SLC25A21: variants seen among roughly 807,000 people sequenced by gnomAD.
SLC25A21 encodes solute carrier family 25 member 21.
A neutral mutation model predicts 43.8 loss-of-function variants in SLC25A21; 47 were observed. The observed-to-expected ratio is 1.07, with a 90% CI of 0.85 to 1.37. SLC25A21 has a LOEUF of 1.37. Ranked by LOEUF, SLC25A21 falls within the 40% of genes most tolerant of loss-of-function variation. SLC25A21 has a pLI of 0.00. For missense variants in SLC25A21, 352 were observed against 350.2 expected (o/e 1.00, Z -0.04); for synonymous variants, 131 against 121.3 (o/e 1.08, Z -0.52).
chr14:37,016,160 G>T (rs1240811682), intron 1 of SLC25A21, among the ~76,000 whole-genome samples: 1 of 152,066 alleles, frequency 6.6e-6, no homozygotes. Context: ...TTCTTCCAGG[G>T]TTTTTATGGT....
rs1882071310 is a variant in SLC25A21 at position 36,679,268 on chromosome 14, A to C, written c.*1390T>G. On this transcript the variant is annotated 3_prime_UTR_variant, in exon 10 of 10. Transcript: ENST00000331299. ...AATTTTAAAAAACACGTTGGAAAGG[A>C]TGTACAACAGAAGGCTATGTATGTA... 1 of 982,914 alleles carries C rather than the reference A, an allele frequency of 1.0e-6. No homozygotes were observed. Among genetic ancestry groups the C allele is most frequent in the African/African-American group, 1.7e-5 (1 of 57,184 alleles). The allele number at this position is 982,914 out of a possible 1,614,324, so 60.9% of individuals were successfully genotyped here. A position where few individuals can be genotyped will look rare whatever the true frequency, so the allele number is the denominator to read the frequency against.
chr14:36,892,108 T>G (rs1015487029), intron 1 of SLC25A21, among the ~76,000 whole-genome samples: 3 of 152,056 alleles, frequency 2.0e-5, no homozygotes, highest in Non-Finnish European at 2.9e-5. Flanking sequence ...AGACAACAAG[T>G]GTTGGCAAGG....
intron 1 of SLC25A21, among the ~76,000 whole-genome samples, chr14:37,046,296 GCCTA>G (rs1961584591): frequency 6.6e-6 from 1 of 152,072 alleles, no homozygotes; most frequent in South Asian, 2.1e-4. Context: ...TCTCTTAATT[GCCTA>G]CCTAATCAGA....
chr14:36,781,049 G>C (rs1443109581), intron 3 of SLC25A21, among the ~76,000 whole-genome samples: 1 of 152,068 alleles, frequency 6.6e-6, no homozygotes, highest in Non-Finnish European at 1.5e-5. Flanking sequence ...TTCTTTTGAG[G>C]AATTGACTTC....
chr14:37,146,060 C>T (rs1963658872), intron 1 of SLC25A21, among the ~76,000 whole-genome samples: 1 of 152,170 alleles, frequency 6.6e-6, no homozygotes, highest in Non-Finnish European at 1.5e-5. Context: ...AAACAGCACC[C>T]ACTCCTTCAG....
intron 1 of SLC25A21, among the ~76,000 whole-genome samples, chr14:36,897,931 T>G (rs1891290573): frequency 6.6e-6 from 1 of 152,180 alleles, no homozygotes; most frequent in Non-Finnish European, 1.5e-5. Flanking sequence ...GTGTGAGGTG[T>G]CGGTCTGACC....
chr14:36,801,746 C>T (rs1028644261), intron 3 of SLC25A21, among the ~76,000 whole-genome samples: 2 of 152,114 alleles, frequency 1.3e-5, no homozygotes, highest in Non-Finnish European at 2.9e-5. Flanking sequence ...TGTTCTTTTG[C>T]TTTTACTTAT....
At chr14:37,056,347 A>G (rs1797372787) in intron 1 of SLC25A21, among the ~76,000 whole-genome samples, 1 of 151,928 alleles carries the variant, frequency 6.6e-6, no homozygotes, top group South Asian at 2.1e-4. Flanking sequence ...AAAATTAGCC[A>G]GGCGAGGTGG....
intron 1 of SLC25A21, among the ~76,000 whole-genome samples, chr14:37,133,664 C>G (rs1238721841): frequency 6.6e-6 from 1 of 151,950 alleles, no homozygotes; most frequent in Admixed American, 6.6e-5. Context: ...CCTAACCCAC[C>G]TCTATAACTC....
chr14:36,814,042 T>A, intron 2 of SLC25A21, 41 bp from the exon 3 acceptor site: 1 of 1,393,498 alleles, frequency 7.2e-7, no homozygotes, highest in Non-Finnish European at 1.0e-6. Flanking sequence ...GTTAAAGATT[T>A]TGCCAAATGG....
At chr14:37,145,885 C>G (rs1327330064) in intron 1 of SLC25A21, among the ~76,000 whole-genome samples, 1 of 152,080 alleles carries the variant, frequency 6.6e-6, no homozygotes, top group Non-Finnish European at 1.5e-5. Flanking sequence ...TTAGAGTAAC[C>G]AGGGCAGGAA....
rs1882025272 is a variant in SLC25A21, at chr14:36,678,627, A to G, written c.*2031T>C. The G allele has an allele frequency of 3.1e-6, 4 of 1,309,430 alleles. No homozygotes were observed. The South Asian group carries it at 1.1e-4, about 36-fold the overall frequency. The allele number at this position is 1,309,430 out of a possible 1,614,324, so 81.1% of individuals were successfully genotyped here. On this transcript the variant is annotated 3_prime_UTR_variant, in exon 10 of 10. Transcript: ENST00000331299. ...AAGGTACAGAACTATTCTTTATCAA[A>G]TGTTTTTAGGTGGCTGTTAGGGGGC...
chr14:36,737,410 T>C (rs1885086401), intron 3 of SLC25A21, among the ~76,000 whole-genome samples: 1 of 152,162 alleles, frequency 6.6e-6, no homozygotes, highest in Non-Finnish European at 1.5e-5. Context: ...TGTGCCCTAC[T>C]TCCCTTCTCT....
chr14:37,069,744 T>C (rs1357028038), intron 1 of SLC25A21, among the ~76,000 whole-genome samples: 2 of 152,226 alleles, frequency 1.3e-5, no homozygotes, highest in Non-Finnish European at 2.9e-5. Flanking sequence ...GAGGCCCTTT[T>C]CCAGGAACAT....
intron 1 of SLC25A21, among the ~76,000 whole-genome samples, chr14:36,958,749 A>C (rs1399094045): frequency 6.6e-6 from 1 of 152,196 alleles, no homozygotes; most frequent in Non-Finnish European, 1.5e-5. Context: ...AGGGGGACAC[A>C]GAGCAAGGCC....
chr14:36,745,593 A>G (rs1566565844), intron 3 of SLC25A21, among the ~76,000 whole-genome samples: 1 of 152,186 alleles, frequency 6.6e-6, no homozygotes. Context: ...TCTGATGACC[A>G]GTGATGATGA....
intron 1 of SLC25A21, among the ~76,000 whole-genome samples, chr14:37,013,744 A>C (rs940989693): frequency 3.9e-5 from 6 of 152,002 alleles, no homozygotes; most frequent in Non-Finnish European, 8.8e-5. Flanking sequence ...TTATTTCCTT[A>C]TTCTTTCCTA....
chr14:36,773,166 C>A (rs1022265640), intron 3 of SLC25A21, among the ~76,000 whole-genome samples: 1 of 149,466 alleles, frequency 6.7e-6, no homozygotes, highest in Non-Finnish European at 1.5e-5. Flanking sequence ...GTTGCATGCA[C>A]GATGACAGAT....
intron 1 of SLC25A21, among the ~76,000 whole-genome samples, chr14:37,093,696 C>G (rs12050463): frequency 9.2e-5 from 14 of 151,810 alleles, no homozygotes; most frequent in African/African-American, 2.9e-4. Context: ...GGGGAGAGAA[C>G]TAACATGGAA....
Sources: gnomAD v4.1 joint callset for allele counts (sites outside exome capture counted in the v4.1 genomes callset) on GRCh38, gnomAD v4.1.1 for gene constraint, MANE v1.5 for transcripts, NCBI Gene and HGNC (gene_info 2026-07-23, HGNC 2026-07-21) for gene names.